Variants in VPS13B observed in about 807,000 individuals in gnomAD.
VPS13B encodes the protein vacuolar protein sorting 13 homolog B.
VPS13B carries 285 observed loss-of-function variants against 426.4 expected under a neutral mutation model. That is an observed-to-expected ratio of 0.67 (90% CI 0.61 to 0.74). VPS13B has a LOEUF of 0.74. VPS13B is among the 30% of genes least tolerant of loss of function. VPS13B has a pLI of 0.00. For missense variants in VPS13B, 4,537 were observed against 4,782.6 expected, an observed-to-expected ratio of 0.95 and a Z score of 1.51; for synonymous variants, 1,676 against 1,676.4, an observed-to-expected ratio of 1.00 and a Z score of 0.01.
At chr8:99,019,357 C>T (rs760686647) in intron 2 of VPS13B, among the ~76,000 whole-genome samples, 11 of 151,898 alleles carry the variant, frequency 7.2e-5, no homozygotes, top group Non-Finnish European at 1.3e-4. Context: ...CAGGTGCCCA[C>T]GACAACACCC....
intron 30 of VPS13B, among the ~76,000 whole-genome samples, chr8:99,524,133 T>G (rs1822521910): frequency 6.6e-6 from 1 of 151,842 alleles, no homozygotes. Flanking sequence ...ACAGCAAAAT[T>G]GATCAAGCAG....
rs1831732695 is a variant in VPS13B, at chr8:99,692,609, C to G, written c.6047-6916C>G. Among the ~76,000 whole-genome samples the G allele has an allele frequency of 1.5e-5, 2 of 133,116 alleles. 1 individual carries two copies. Among genetic ancestry groups the G allele is most frequent in the South Asian group, 4.9e-4 (2 of 4,044 alleles). The allele number at this position is 133,116 out of a possible 152,430, so 87.3% of individuals were successfully genotyped here. ...GAAAGCAGGAAAGATCCAAAATTGA[C>G]ACCCTAACATCACAATTAAAAGAAC... On this transcript the variant is annotated intron_variant, in intron 35 of 61. Transcript: ENST00000357162.
chr8:99,805,822 C>G (rs926885660), intron 43 of VPS13B, among the ~76,000 whole-genome samples: 1 of 152,038 alleles, frequency 6.6e-6, no homozygotes, highest in Admixed American at 6.5e-5. Context: ...ACTTTTCCCC[C>G]CACCGTGGAA....
intron 5 of VPS13B, among the ~76,000 whole-genome samples, chr8:99,110,758 ATTG>A (rs1001389809): frequency 4.5e-4 from 68 of 151,958 alleles, no homozygotes; most frequent in Admixed American, 1.1e-3. Flanking sequence ...TAAGAATTTT[ATTG>A]TTATCTCATT....
intron 23 of VPS13B, among the ~76,000 whole-genome samples, chr8:99,447,099 T>C (rs959730341): frequency 3.3e-5 from 5 of 152,348 alleles, no homozygotes; most frequent in South Asian, 2.1e-4. Flanking sequence ...TCCTTGTTTA[T>C]ACTTTTCTTT....
chr8:99,395,881 TGAG>T (rs931615711), intron 21 of VPS13B, among the ~76,000 whole-genome samples: 6 of 152,002 alleles, frequency 3.9e-5, no homozygotes, highest in African/African-American at 1.5e-4. Flanking sequence ...TTGGACACAT[TGAG>T]GAGAGAAATT....
chr8:99,096,391 G>T lies in VPS13B; in HGVS notation c.371G>T (p.Arg124Ile). 2 of 1,614,114 alleles carry T rather than the reference G, an allele frequency of 1.2e-6. No homozygotes were observed. The highest frequency in any genetic ancestry group is 1.7e-6 in the Non-Finnish European group (2 of 1,179,984). Residue 124 changes from arginine (R) to isoleucine (I), a missense_variant, in exon 4 of 62, where the codon AGA becomes ATA. Arg to Ile is a moderately conservative substitution (Grantham distance 97, BLOSUM62 -3). Transcript: ENST00000357162. ...ACAAAATCATCAATCAAACCGCGGA[G>T]AATGCAGCAGGCTGCTCCTACAGAT... Reference protein sequence around the residue: ...ESTKSSIKPRRMQQAAPTDPD... With the variant: ...ESTKSSIKPRIMQQAAPTDPD...
chr8:99,474,245 G>A (rs1432310772), intron 24 of VPS13B, among the ~76,000 whole-genome samples: 1 of 144,428 alleles, frequency 6.9e-6, no homozygotes. Flanking sequence ...GTGGAGTGCA[G>A]TGATGTGATC....
chr8:99,652,979 G>C (rs1006970243), intron 34 of VPS13B, among the ~76,000 whole-genome samples: 1 of 152,108 alleles, frequency 6.6e-6, no homozygotes, highest in Admixed American at 6.5e-5. Flanking sequence ...AACCAGCTGA[G>C]GGAAATAATA....
intron 39 of VPS13B, among the ~76,000 whole-genome samples, chr8:99,745,595 CAG>C (rs1444214698): frequency 6.6e-6 from 1 of 152,012 alleles, no homozygotes; most frequent in Non-Finnish European, 1.5e-5. Flanking sequence ...TGTATATATA[CAG>C]AGAGAGTTCA....
intron 39 of VPS13B, among the ~76,000 whole-genome samples, chr8:99,736,383 G>A (rs1428477392): frequency 6.6e-6 from 1 of 152,078 alleles, no homozygotes; most frequent in Non-Finnish European, 1.5e-5. Context: ...GACTAGCCTG[G>A]TCAACATGGT....
intron 54 of VPS13B, among the ~76,000 whole-genome samples, chr8:99,839,866 T>C (rs1449769195): frequency 6.6e-6 from 1 of 152,254 alleles, no homozygotes; most frequent in East Asian, 1.9e-4. Flanking sequence ...ATCTGAAAAC[T>C]ATTACTCTGT....
At chr8:99,772,192 G>A (rs1381797148) in intron 40 of VPS13B, among the ~76,000 whole-genome samples, 1 of 151,772 alleles carries the variant, frequency 6.6e-6, no homozygotes, top group African/African-American at 2.4e-5. Context: ...ATGAACCTTG[G>A]GAGATTACTC....
chr8:99,113,746 G>C (rs1847502715), intron 6 of VPS13B, among the ~76,000 whole-genome samples: 1 of 151,978 alleles, frequency 6.6e-6, no homozygotes, highest in African/African-American at 2.4e-5. Context: ...TGTATTTTTA[G>C]TAGAGACAGG....
chr8:99,373,149 C>T (rs1813284802), intron 19 of VPS13B, among the ~76,000 whole-genome samples: 2 of 152,024 alleles, frequency 1.3e-5, no homozygotes, highest in South Asian at 4.1e-4. Context: ...ACATCACACA[C>T]CGGCACCTGT....
chr8:99,163,816 C>T (rs1811832572), intron 15 of VPS13B, among the ~76,000 whole-genome samples: 1 of 152,186 alleles, frequency 6.6e-6, no homozygotes, highest in African/African-American at 2.4e-5. Context: ...GGAGTGGGCT[C>T]CAGCCTTGGC....
chr8:99,228,801 T>C (rs1816160676), intron 17 of VPS13B, among the ~76,000 whole-genome samples: 1 of 152,054 alleles, frequency 6.6e-6, no homozygotes, highest in African/African-American at 2.4e-5. Flanking sequence ...GTAATTATAA[T>C]AGTGTGTGGT....
chr8:99,489,384 G>A (rs1428743562), intron 25 of VPS13B, among the ~76,000 whole-genome samples: 4 of 151,548 alleles, frequency 2.6e-5, no homozygotes, highest in Non-Finnish European at 4.4e-5. Flanking sequence ...TTGGCAATGC[G>A]GGCTCTTTTT....
intron 33 of VPS13B, among the ~76,000 whole-genome samples, chr8:99,607,013 C>T (rs114799856): frequency 6.6e-6 from 1 of 152,146 alleles, no homozygotes; most frequent in Non-Finnish European, 1.5e-5. Context: ...AGGATAATCT[C>T]CCCATTTCAA....
Sources: gnomAD v4.1 joint callset for allele counts (sites outside exome capture counted in the v4.1 genomes callset) on GRCh38, gnomAD v4.1.1 for gene constraint, MANE v1.5 for transcripts, NCBI Gene and HGNC (gene_info 2026-07-23, HGNC 2026-07-21) for gene names.